The following TMEFF2 variants were observed in gnomAD, a reference collection of about 807,000 sequenced individuals.
TMEFF2 encodes the protein transmembrane protein with EGF like and two follistatin like domains 2.
TMEFF2 carries 28 observed loss-of-function variants against 53.8 expected under a neutral mutation model. The observed-to-expected ratio is 0.52, with a 90% CI of 0.39 to 0.71. TMEFF2 has a LOEUF of 0.71. Ranked by LOEUF, TMEFF2 falls within the 30% of genes least tolerant of loss-of-function variation. TMEFF2 has a pLI of 0.00. For missense variants in TMEFF2, 353 were observed against 455.2 expected, an observed-to-expected ratio of 0.78 and a Z score of 2.04; for synonymous variants, 162 against 166.3, an observed-to-expected ratio of 0.97 and a Z score of 0.20.
intron 5 of TMEFF2, among the ~76,000 whole-genome samples, chr2:192,047,203 G>A (rs1230738636): frequency 1.3e-5 from 2 of 152,238 alleles, no homozygotes; most frequent in Non-Finnish European, 2.9e-5. Flanking sequence ...TTACAGGCAT[G>A]AGCCACTGTG....
chr2:192,067,100 C>A (rs1688184803), intron 4 of TMEFF2, among the ~76,000 whole-genome samples: 1 of 151,650 alleles, frequency 6.6e-6, no homozygotes, highest in Admixed American at 6.6e-5. Context: ...GCAAGATTTG[C>A]TAATGAGGAG....
chr2:192,107,951 GT>G (rs111256461), intron 4 of TMEFF2, among the ~76,000 whole-genome samples: 13,170 of 120,310 alleles, frequency 0.11, 698 homozygotes, highest in East Asian at 0.21. Context: ...CAATATAACT[GT>G]TTTTTTTTTT....
rs148356390 is a variant in TMEFF2, at chr2:192,157,042, T to C, written c.439+22626A>G. 5.8e-4 allele frequency among the ~76,000 whole-genome samples: 88 copies of C among 151,916 alleles called. 1 individual carries two copies. In the East Asian group the frequency reaches 0.015, roughly 25 times the overall value. The stretch of plus-strand genomic sequence containing the variant: ...TTTGTATAGGATGGTGTAGATAAGA[T>C]AGCTATGAAATTCTTCCCTGGCAAC... On this transcript the variant is annotated intron_variant, in intron 4 of 9. Transcript: ENST00000272771.
chr2:192,017,251 C>T (rs552455280), intron 5 of TMEFF2, among the ~76,000 whole-genome samples: 1 of 152,034 alleles, frequency 6.6e-6, no homozygotes, highest in South Asian at 2.1e-4. Context: ...AGGTATATGA[C>T]CTGCTAAGGA....
intron 4 of TMEFF2, among the ~76,000 whole-genome samples, chr2:192,098,202 CAGTG>C (rs1465937878): frequency 3.3e-5 from 5 of 152,134 alleles, no homozygotes; most frequent in African/African-American, 4.8e-5. Context: ...ACTTTTTGCT[CAGTG>C]AGTGCCAGGT....
intron 4 of TMEFF2, among the ~76,000 whole-genome samples, chr2:192,090,025 A>G (rs139644693): frequency 2.4e-3 from 371 of 152,304 alleles, no homozygotes; most frequent in Non-Finnish European, 4.3e-3. Context: ...ACATCATTCT[A>G]TCCATAATTG....
chr2:192,138,866 T>A (rs1690072123), intron 4 of TMEFF2, among the ~76,000 whole-genome samples: 1 of 152,228 alleles, frequency 6.6e-6, no homozygotes, highest in African/African-American at 2.4e-5. Flanking sequence ...AGGTTTTAGG[T>A]AATTCCATTG....
intron 5 of TMEFF2, among the ~76,000 whole-genome samples, chr2:192,004,649 A>G: frequency 1.3e-5 from 2 of 152,294 alleles, no homozygotes; most frequent in South Asian, 4.1e-4. Flanking sequence ...TTGAAGATTA[A>G]AAAAGAAAAA....
intron 7 of TMEFF2, among the ~76,000 whole-genome samples, chr2:191,957,145 G>C (rs778906324): frequency 3.9e-5 from 6 of 152,090 alleles, no homozygotes; most frequent in Non-Finnish European, 7.4e-5. Flanking sequence ...TGTTCTACTT[G>C]TTTTGCCATG....
intron 7 of TMEFF2, among the ~76,000 whole-genome samples, chr2:191,969,448 C>G (rs1337133984): frequency 6.6e-6 from 1 of 151,996 alleles, no homozygotes; most frequent in Non-Finnish European, 1.5e-5. Flanking sequence ...GTATACATTC[C>G]AGTACAAAAA....
At position 191,950,354 on chromosome 2, in the gene TMEFF2, T is replaced by C; in HGVS notation, c.1082A>G (p.Tyr361Cys). ...IHRQKQNTGH[Y>C]SSDNTTRAST... Reference sequence around the variant, plus strand: ...CGCTCTTGTTGTATTGTCTGAACTGTAGTGCCCTGTATTTTGCTTCTGTCT... The same window carrying C: ...CGCTCTTGTTGTATTGTCTGAACTGCAGTGCCCTGTATTTTGCTTCTGTCT... Residue 361 changes from tyrosine to cysteine, a missense_variant, in exon 10 of 10, where the codon TAC becomes TGC. By Grantham distance (194) the Tyr-to-Cys change is radical (BLOSUM62 -2). Coordinates refer to ENST00000272771, the MANE Select transcript of TMEFF2 (RefSeq NM_016192.4). 1.2e-6 allele frequency: 2 copies of C among 1,614,036 alleles called. No homozygotes were observed. The highest frequency in any genetic ancestry group is 1.1e-5 in the South Asian group (1 of 91,082).
chr2:191,963,535 T>A (rs1692330754), intron 7 of TMEFF2, among the ~76,000 whole-genome samples: 1 of 152,162 alleles, frequency 6.6e-6, no homozygotes, highest in Non-Finnish European at 1.5e-5. Flanking sequence ...ATGTAACCGT[T>A]TTCTTCTGTG....
At chr2:192,127,652 CA>C (rs1689708929) in intron 4 of TMEFF2, among the ~76,000 whole-genome samples, 1 of 142,890 alleles carries the variant, frequency 7.0e-6, no homozygotes, top group African/African-American at 2.6e-5. Context: ...TGTCTAAAGT[CA>C]AAAATTGAGC....
chr2:192,145,553 T>TAA (rs5837286), intron 4 of TMEFF2, among the ~76,000 whole-genome samples: 11 of 151,452 alleles, frequency 7.3e-5, no homozygotes, highest in African/African-American at 1.5e-4. Flanking sequence ...CACTACATGA[T>TAA]AAAAAAAATG....
At chr2:192,182,975 C>T (rs1226340416) in intron 3 of TMEFF2, among the ~76,000 whole-genome samples, 1 of 151,876 alleles carries the variant, frequency 6.6e-6, no homozygotes, top group East Asian at 1.9e-4. Context: ...AGAAGGCTGC[C>T]CATTGACTCT....
chr2:192,144,641 T>C (rs1293382472), intron 4 of TMEFF2, among the ~76,000 whole-genome samples: 3 of 152,118 alleles, frequency 2.0e-5, no homozygotes, highest in Non-Finnish European at 4.4e-5. Flanking sequence ...TTAAATCTTG[T>C]TCCTGAATGA....
At chr2:192,100,085 A>G (rs1307041540) in intron 4 of TMEFF2, among the ~76,000 whole-genome samples, 1 of 152,182 alleles carries the variant, frequency 6.6e-6, no homozygotes, top group East Asian at 1.9e-4. Flanking sequence ...TTGAAATTCA[A>G]TAAGCCTTTT....
At chr2:191,971,373 C>T (rs75327548) in intron 7 of TMEFF2, among the ~76,000 whole-genome samples, 5 of 152,252 alleles carry the variant, frequency 3.3e-5, no homozygotes, top group Non-Finnish European at 5.9e-5. Context: ...CTATCTTGTT[C>T]CTAGAAGTAA....
intron 5 of TMEFF2, among the ~76,000 whole-genome samples, chr2:192,003,812 A>AT (rs1389940690): frequency 2.0e-5 from 3 of 151,666 alleles, no homozygotes; most frequent in African/African-American, 4.9e-5. Flanking sequence ...TTTAGCATTA[A>AT]TTTTTTTCCA....
Sources: gnomAD v4.1 joint callset for allele counts (sites outside exome capture counted in the v4.1 genomes callset) on GRCh38, gnomAD v4.1.1 for gene constraint, MANE v1.5 for transcripts, NCBI Gene and HGNC (gene_info 2026-07-23, HGNC 2026-07-21) for gene names.